C12orf42: variants seen among roughly 807,000 people sequenced by gnomAD.
C12orf42 encodes uncharacterized protein C12orf42.
A neutral mutation model predicts 21.6 loss-of-function variants in C12orf42; 25 were observed. The observed-to-expected ratio is 1.16, with a 90% confidence interval of 0.84 to 1.62. C12orf42 has a LOEUF of 1.62. Ranked by LOEUF, C12orf42 falls within the 40% of genes most tolerant of loss-of-function variation. The pLI, the probability that C12orf42 is intolerant of heterozygous loss-of-function variation, is 0.00. For synonymous variants in C12orf42, 174 were observed against 175.0 expected (o/e 0.99, Z 0.05); for missense variants, 483 against 459.3 (o/e 1.05, Z -0.47).
rs546289554 is a variant in C12orf42 at position 103,316,861 on chromosome 12, A to T, written c.260-10516T>A. 3.3e-5 allele frequency among the ~76,000 whole-genome samples: 5 copies of T among 152,078 alleles called. No homozygotes were observed. In the East Asian group the frequency reaches 9.7e-4, roughly 29 times the overall value. The stretch of plus-strand genomic sequence containing the variant: ...AATGAATCCCTCATCTCTCCAGTGA[A>T]TGCTCTTCAGTATTACAGTGTCACC... On this transcript the variant is annotated intron_variant, in intron 4 of 5. Transcript: ENST00000548883.
At chr12:103,067,925 AG>A in the C12orf42 span, among the ~76,000 whole-genome samples, 1 of 152,206 alleles carries the variant, frequency 6.6e-6, no homozygotes, top group Admixed American at 6.5e-5. Context: ...GAGATTCATT[AG>A]GGCGTCTCTT....
chr12:103,256,208 C>G (rs1321023242), intron 10 of C12orf42, among the ~76,000 whole-genome samples: 2 of 122,198 alleles, frequency 1.6e-5, no homozygotes, highest in Non-Finnish European at 3.4e-5. Flanking sequence ...ATATATATAA[C>G]TAAACTTATT....
chr12:103,240,199 T>G (rs1821434679), intron 10 of C12orf42, among the ~76,000 whole-genome samples: 1 of 152,172 alleles, frequency 6.6e-6, no homozygotes, highest in African/African-American at 2.4e-5. Context: ...CTTATTTGGA[T>G]CTCACAGTAA....
chr12:103,498,603 A>G (rs980291176), upstream of C12orf42, among the ~76,000 whole-genome samples: 2 of 152,216 alleles, frequency 1.3e-5, no homozygotes, highest in African/African-American at 4.8e-5. Context: ...TGGAATATTT[A>G]AAAGTCTAAC....
chr12:103,405,725 C>G (rs770378408), intron 2 of C12orf42, among the ~76,000 whole-genome samples: 1 of 152,148 alleles, frequency 6.6e-6, no homozygotes, highest in African/African-American at 2.4e-5. Context: ...GAGACTGGAA[C>G]GGAAACCAGG....
chr12:103,425,883 A>C (rs942201949), intron 2 of C12orf42, among the ~76,000 whole-genome samples: 5 of 151,986 alleles, frequency 3.3e-5, no homozygotes, highest in African/African-American at 1.2e-4. Flanking sequence ...CCTACTTCCC[A>C]GTGGCTTTGT....
At chr12:103,353,586 C>T (rs2043280069) in intron 4 of C12orf42, among the ~76,000 whole-genome samples, 2 of 152,108 alleles carry the variant, frequency 1.3e-5, no homozygotes, top group Non-Finnish European at 2.9e-5. Context: ...CTTTCTCCCC[C>T]TCCCTCTCTG....
the C12orf42 span, chr12:103,167,922 G>C: frequency 8.0e-6 from 2 of 250,736 alleles, no homozygotes; most frequent in African/African-American, 2.3e-5. Context: ...GTTTGTGTCT[G>C]TGTGTGTGTG....
At chr12:103,365,634 G>A (rs958802183) in intron 4 of C12orf42, among the ~76,000 whole-genome samples, 2 of 151,984 alleles carry the variant, frequency 1.3e-5, no homozygotes, top group Non-Finnish European at 2.9e-5. Flanking sequence ...AAAGTTTCAG[G>A]ATACAAAATT....
chr12:103,431,385 C>A (rs765024408), intron 2 of C12orf42: 4 of 152,178 alleles, frequency 2.6e-5, no homozygotes, highest in Admixed American at 6.5e-5. Flanking sequence ...GAATAGCTAA[C>A]CTTTTATAAA....
At chr12:103,066,580 G>A in the C12orf42 span, among the ~76,000 whole-genome samples, 1 of 152,348 alleles carries the variant, frequency 6.6e-6, no homozygotes, top group East Asian at 1.9e-4. Flanking sequence ...AGCGGTGAAG[G>A]GAAATCTTCC....
At chr12:103,338,962 A>G (rs2137194052) in intron 4 of C12orf42, among the ~76,000 whole-genome samples, 1 of 152,380 alleles carries the variant, frequency 6.6e-6, no homozygotes, top group Admixed American at 6.5e-5. Context: ...TCCTAAAGAT[A>G]CACTAAAAAG....
intron 4 of C12orf42, among the ~76,000 whole-genome samples, chr12:103,367,295 A>T (rs909919716): frequency 1.3e-4 from 20 of 151,934 alleles, no homozygotes; most frequent in Non-Finnish European, 2.5e-4. Context: ...ATTCAGGGGA[A>T]ATAGTAGGAA....
At chr12:103,344,431 A>G (rs889350119) in intron 4 of C12orf42, among the ~76,000 whole-genome samples, 7 of 152,152 alleles carry the variant, frequency 4.6e-5, no homozygotes, top group Non-Finnish European at 8.8e-5. Context: ...CAAGACCCAC[A>G]CAGCCCCTTT....
the C12orf42 span, among the ~76,000 whole-genome samples, chr12:103,191,542 A>C: frequency 2.7e-5 from 1 of 37,108 alleles, no homozygotes; most frequent in Non-Finnish European, 5.1e-5. Flanking sequence ...CCTCCACTCT[A>C]CAAAAAAAAA....
intron 4 of C12orf42, among the ~76,000 whole-genome samples, chr12:103,352,842 G>A (rs2043212510): frequency 6.6e-6 from 1 of 152,096 alleles, no homozygotes; most frequent in South Asian, 2.1e-4. Context: ...GACACTTGAG[G>A]AAAAGTGTCA....
the C12orf42 span, among the ~76,000 whole-genome samples, chr12:103,506,332 CAA>C: frequency 1.6e-5 from 2 of 121,886 alleles, no homozygotes; most frequent in African/African-American, 6.1e-5. Flanking sequence ...CAAAACAAAA[CAA>C]AAAAAAAACC....
the C12orf42 span, among the ~76,000 whole-genome samples, chr12:103,196,351 T>G: frequency 6.6e-6 from 1 of 152,134 alleles, no homozygotes; most frequent in African/African-American, 2.4e-5. Flanking sequence ...GTTTTATCAC[T>G]AAGTATGTGG....
the C12orf42 span, among the ~76,000 whole-genome samples, chr12:103,221,864 C>T: frequency 1.3e-5 from 2 of 152,166 alleles, no homozygotes; most frequent in Non-Finnish European, 2.9e-5. Flanking sequence ...GGGACACCTG[C>T]CCAATTTTAA....
Sources: gnomAD v4.1 joint callset for allele counts (sites outside exome capture counted in the v4.1 genomes callset) on GRCh38, gnomAD v4.1.1 for gene constraint, MANE v1.5 for transcripts, NCBI Gene and HGNC (gene_info 2026-07-23, HGNC 2026-07-21) for gene names.